Variants in TSPAN11 observed in about 807,000 individuals in gnomAD.
TSPAN11 encodes tetraspanin 11.
Under a neutral mutation model 32.9 loss-of-function variants are expected in TSPAN11, and 29 were observed. The observed-to-expected ratio is 0.88, with a 90% CI of 0.66 to 1.20. The LOEUF is 1.20. TSPAN11 is among the 50% of genes most tolerant of loss of function. TSPAN11 has a pLI of 0.00. For missense variants in TSPAN11, 283 were observed against 329.1 expected (o/e 0.86, Z 1.08); for synonymous variants, 140 against 141.3 (o/e 0.99, Z 0.07).
chr12:30,977,498 C>T (rs1042416374), intron 3 of TSPAN11, among the ~76,000 whole-genome samples: 2 of 152,212 alleles, frequency 1.3e-5, no homozygotes, highest in Admixed American at 6.5e-5. Context: ...TCTGGCTGAG[C>T]TTCCCCACAG....
intron 4 of TSPAN11, among the ~76,000 whole-genome samples, chr12:30,979,302 G>A (rs1939039272): frequency 6.6e-6 from 1 of 152,244 alleles, no homozygotes; most frequent in African/African-American, 2.4e-5. Context: ...CCCTTTACCT[G>A]AGCCATCTCC....
intron 2 of TSPAN11, among the ~76,000 whole-genome samples, chr12:30,958,611 G>T (rs1312991019): frequency 6.6e-6 from 1 of 152,168 alleles, no homozygotes; most frequent in African/African-American, 2.4e-5. Flanking sequence ...TTCTGTAAAA[G>T]AAACTGAGTC....
intron 1 of TSPAN11, among the ~76,000 whole-genome samples, chr12:30,949,455 G>A (rs553862655): frequency 1.3e-5 from 2 of 152,220 alleles, no homozygotes; most frequent in East Asian, 1.9e-4. Context: ...CTTACATGGT[G>A]GCAGCAAGAG....
rs1257698579 is a variant in TSPAN11 at position 30,994,519 on chromosome 12, C to T, written c.*2604C>T. 1 of 152,218 alleles carries T rather than the reference C, an allele frequency of 6.6e-6. No homozygotes were observed. Among genetic ancestry groups the T allele is most frequent in the African/African-American group, 2.4e-5 (1 of 41,440 alleles). 9.4% of individuals were successfully genotyped at this position (152,218 alleles called of 1,614,324 possible). ...TTCCCTGAGCTCGCAGGGGCAGACA[C>T]CAAGAGAAGGGCGCGTCCCCGAGTC... On this transcript the variant is annotated 3_prime_UTR_variant, in exon 8 of 8. Coordinates refer to ENST00000546076, the MANE Select transcript of TSPAN11 (RefSeq NM_001370302.1).
chr12:30,970,748 G>C (rs964015021), intron 3 of TSPAN11, among the ~76,000 whole-genome samples: 106 of 152,290 alleles, frequency 7.0e-4, no homozygotes, highest in Non-Finnish European at 1.0e-4. Context: ...TGAGCCCTGG[G>C]CTGGGGCCAG....
At chr12:30,930,671 C>A (rs572285312) in intron 1 of TSPAN11, among the ~76,000 whole-genome samples, 11 of 152,290 alleles carry the variant, frequency 7.2e-5, no homozygotes, top group Admixed American at 3.3e-4. Flanking sequence ...TATCTGATGA[C>A]CACAGTGAAG....
intron 1 of TSPAN11, among the ~76,000 whole-genome samples, chr12:30,935,254 C>T (rs1311715097): frequency 1.3e-5 from 2 of 151,850 alleles, no homozygotes; most frequent in Non-Finnish European, 2.9e-5. Context: ...GTCAAGAAGA[C>T]TGGGGAAATT....
intron 1 of TSPAN11, among the ~76,000 whole-genome samples, chr12:30,936,248 A>G (rs1938042867): frequency 6.6e-6 from 1 of 151,822 alleles, no homozygotes; most frequent in Admixed American, 6.6e-5. Flanking sequence ...TCCTTCACAC[A>G]TTTTTCTTCC....
chr12:30,975,742 C>G lies in TSPAN11; in HGVS notation c.277-2819C>G, dbSNP rs145422790. On this transcript the variant is annotated intron_variant, in intron 3 of 7. Coordinates refer to ENST00000546076, the MANE Select transcript of TSPAN11 (RefSeq NM_001370302.1). The surrounding 1 kb of genome is among the most constrained non-coding windows in gnomAD (Gnocchi z 4.5). ...CAGCTATCCAGGAGTATCCTACGGG[C>G]CTGACTCACAGCTCACAGTGGTGGT... Among the ~76,000 whole-genome samples, 2,910 of 151,678 alleles carry G rather than the reference C, an allele frequency of 0.019. 36 individuals are homozygous for G. The highest frequency in any genetic ancestry group is 0.056 in the South Asian group (270 of 4,792).
intron 3 of TSPAN11, among the ~76,000 whole-genome samples, chr12:30,965,324 G>A (rs1045189959): frequency 3.3e-5 from 5 of 152,180 alleles, no homozygotes; most frequent in East Asian, 1.9e-4. Context: ...TGGCCCTCAC[G>A]CCTGGAGGTC....
chr12:30,997,592 GAAC>G (rs1016418288), downstream of TSPAN11: 8 of 152,380 alleles, frequency 5.3e-5, no homozygotes, highest in African/African-American at 1.9e-4. Flanking sequence ...ACCTTCACGA[GAAC>G]AACAAGGGGG....
chr12:30,951,003 GATAA>G (rs763831949), intron 1 of TSPAN11, among the ~76,000 whole-genome samples: 37 of 152,260 alleles, frequency 2.4e-4, no homozygotes, highest in Admixed American at 4.6e-4. Flanking sequence ...TTAAGTGAGG[GATAA>G]ATAAATTCAC....
intron 5 of TSPAN11, 42 bp downstream of exon 5, chr12:30,979,712 G>T: frequency 6.2e-7 from 1 of 1,600,878 alleles, no homozygotes. Context: ...AAGCCCACAA[G>T]GATTCAAATC....
At position 30,942,727 on chromosome 12, in the gene TSPAN11, TA is replaced by T. The variant is rs10661944; in HGVS notation, c.-11-11239del. Among the ~76,000 whole-genome samples, 214 of 143,392 alleles carry T rather than the reference TA, an allele frequency of 1.5e-3. 2 individuals are homozygous for T. The highest frequency in any genetic ancestry group is 7.5e-3 in the Middle Eastern group (2 of 268). The allele number at this position is 143,392 out of a possible 152,430, so 94.1% of individuals were successfully genotyped here. ...GCAATTTGTTACTTGCAAATGAAGT[TA>T]AAAAAAAAAAAAAAGTCATGTACAA... On this transcript the variant is annotated intron_variant, in intron 1 of 7. Transcript: ENST00000546076.
chr12:30,953,098 G>A (rs187651107), intron 1 of TSPAN11, among the ~76,000 whole-genome samples: 1 of 152,306 alleles, frequency 6.6e-6, no homozygotes, highest in East Asian at 1.9e-4. Flanking sequence ...GGGCATCAGA[G>A]CGAGGGACAG....
At chr12:30,970,393 A>G (rs1244384318) in intron 3 of TSPAN11, among the ~76,000 whole-genome samples, 2 of 151,848 alleles carry the variant, frequency 1.3e-5, no homozygotes, top group African/African-American at 4.8e-5. Context: ...TCCTTCCATG[A>G]CCCTCACCGC....
chr12:30,965,690 C>T (rs1414922192), intron 3 of TSPAN11, among the ~76,000 whole-genome samples: 1 of 152,220 alleles, frequency 6.6e-6, no homozygotes, highest in East Asian at 1.9e-4. Context: ...GACATTCATG[C>T]ACATCAACTC....
intron 1 of TSPAN11, among the ~76,000 whole-genome samples, chr12:30,929,612 C>T (rs1937875860): frequency 6.6e-6 from 1 of 152,172 alleles, no homozygotes; most frequent in South Asian, 2.1e-4. Flanking sequence ...GCATACTTGC[C>T]CAGATGTGCC....
At chr12:30,962,926 T>C (rs1455440185) in intron 2 of TSPAN11, among the ~76,000 whole-genome samples, 2 of 152,170 alleles carry the variant, frequency 1.3e-5, no homozygotes, top group Non-Finnish European at 2.9e-5. Flanking sequence ...ACACACACAT[T>C]ATGCCCTTCT....
Sources: allele counts gnomAD v4.1 joint callset (sites outside exome capture counted in the v4.1 genomes callset), GRCh38; gene constraint gnomAD v4.1.1; non-coding constraint Gnocchi (gnomAD v3.1); transcripts MANE v1.5; gene names NCBI Gene and HGNC (gene_info 2026-07-23, HGNC 2026-07-21).